Variants in USP34 observed in about 807,000 individuals in gnomAD.
USP34 encodes the protein ubiquitin specific peptidase 34.
A neutral mutation model predicts 460.3 loss-of-function variants in USP34; 70 were observed. The observed-to-expected ratio is 0.15, with a 90% confidence interval of 0.13 to 0.19. USP34 has a LOEUF of 0.19. USP34 is among the 10% of genes least tolerant of loss of function. The pLI, the probability that USP34 is intolerant of heterozygous loss-of-function variation, is 1.00. For missense variants in USP34, 3,985 were observed against 4,236.2 expected (o/e 0.94, Z 1.65); for synonymous variants, 1,647 against 1,405.3 (o/e 1.17, Z -3.85).
intron 49 of USP34, among the ~76,000 whole-genome samples, chr2:61,247,082 A>G (rs1282193599): frequency 6.6e-6 from 1 of 152,218 alleles, no homozygotes; most frequent in Non-Finnish European, 1.5e-5. Context: ...AGACAGAAAC[A>G]AAATAAAGAA....
chr2:61,188,856 G>T, intron 79 of USP34, 54 bp downstream of exon 79: 1 of 1,603,692 alleles, frequency 6.2e-7, no homozygotes, highest in Non-Finnish European at 8.5e-7. Context: ...TACACCAAGT[G>T]TATTACTCCC....
At chr2:61,406,504 G>A (rs1221752719) in intron 2 of USP34, among the ~76,000 whole-genome samples, 4 of 152,006 alleles carry the variant, frequency 2.6e-5, no homozygotes, top group Non-Finnish European at 5.9e-5. Flanking sequence ...AAAGCCAGCT[G>A]GTTATTTAAT....
intron 1 of USP34, among the ~76,000 whole-genome samples, chr2:61,429,418 G>A (rs1694601769): frequency 6.6e-6 from 1 of 152,154 alleles, no homozygotes; most frequent in South Asian, 2.1e-4. Context: ...CTGCACTCCA[G>A]CCTGGGCAAC....
chr2:61,236,290 T>C, intron 54 of USP34, 35 bp downstream of exon 54: 1 of 1,592,154 alleles, frequency 6.3e-7, no homozygotes, highest in Non-Finnish European at 8.5e-7. Context: ...TTTTAAAATG[T>C]GTAAAATATC....
chr2:61,293,563 G>A lies in USP34; in HGVS notation c.4462-13C>T, dbSNP rs775232418. The A allele has an allele frequency of 2.5e-6, 4 of 1,603,794 alleles. No homozygotes were observed. The highest frequency in any genetic ancestry group is 1.1e-5 in the South Asian group (1 of 90,072). On this transcript the variant is annotated splice_polypyrimidine_tract_variant and intron_variant, in intron 32 of 79. Transcript: ENST00000398571. ...CAGCAGCAACAAACTGTAGGCAATT[G>A]TGAAAGTAATAGTAAGAGAAAAGCA...
intron 1 of USP34, among the ~76,000 whole-genome samples, chr2:61,462,817 G>A (rs1458529475): frequency 1.4e-5 from 2 of 143,588 alleles, no homozygotes; most frequent in Non-Finnish European, 1.5e-5. Context: ...AGCCGAGACT[G>A]TACCAATGCA....
chr2:61,313,782 TGTTA>T (rs942467110), intron 25 of USP34, among the ~76,000 whole-genome samples: 6 of 152,128 alleles, frequency 3.9e-5, no homozygotes, highest in African/African-American at 1.4e-4. Flanking sequence ...CATGGAAGCA[TGTTA>T]TTTATAAGGA....
chr2:61,326,191 CT>C (rs894797412), intron 20 of USP34, among the ~76,000 whole-genome samples: 1 of 151,342 alleles, frequency 6.6e-6, no homozygotes, highest in African/African-American at 2.4e-5. Context: ...ATCAGGTTTG[CT>C]TTTTTAAAAA....
chr2:61,367,588 A>T (rs753415794), intron 10 of USP34, among the ~76,000 whole-genome samples: 7 of 152,220 alleles, frequency 4.6e-5, no homozygotes, highest in Non-Finnish European at 7.3e-5. Flanking sequence ...AATCATTAGT[A>T]ATGAAAAATA....
chr2:61,201,983 A>G (rs1686990103), intron 75 of USP34, among the ~76,000 whole-genome samples: 2 of 152,338 alleles, frequency 1.3e-5, no homozygotes, highest in South Asian at 2.1e-4. Flanking sequence ...GAAACGGCCA[A>G]TCTGAATATA....
chr2:61,247,604 CT>C (rs1688451838), intron 49 of USP34, among the ~76,000 whole-genome samples: 1 of 152,138 alleles, frequency 6.6e-6, no homozygotes, highest in Non-Finnish European at 1.5e-5. Flanking sequence ...TCATAGCTTA[CT>C]GCAGCCCTGG....
chr2:61,296,639 C>G (rs1487307122), intron 30 of USP34, among the ~76,000 whole-genome samples, 161 bp downstream of exon 30: 1 of 152,186 alleles, frequency 6.6e-6, no homozygotes, highest in Non-Finnish European at 1.5e-5. Flanking sequence ...ACTAAATAAA[C>G]AAATGAACAT....
rs746112977 is a variant in USP34, at chr2:61,380,229, T to C, written c.954A>G (p.Ala318=). The C allele has an allele frequency of 6.2e-6, 10 of 1,614,062 alleles. No homozygotes were observed. The highest frequency in any genetic ancestry group is 1.3e-5 in the African/African-American group (1 of 74,950). Residue 318 remains alanine (A), a synonymous_variant, in exon 7 of 80, where the codon GCA becomes GCG. Coordinates refer to ENST00000398571, the MANE Select transcript of USP34 (RefSeq NM_014709.4). ...AAGTAGGTGACATAAAGTACTTAAA[T>C]GCAAGATCTAGGCTTTCTTTATCAA... ...LCFDKESLDL[A]FKYFMSPTLT... is the part of the protein sequence containing the mutation.
At chr2:61,246,551 A>C (rs1329141825) in intron 49 of USP34, 74 bp from the exon 50 acceptor site, 6 of 988,058 alleles carry the variant, frequency 6.1e-6, no homozygotes, top group Non-Finnish European at 6.7e-6. Flanking sequence ...TTTTTAAAAT[A>C]AACTTTATCA....
chr2:61,294,988 T>C lies in USP34; in HGVS notation c.4422A>G (p.Glu1474=), dbSNP rs13014347. 1,590,185 of 1,612,998 alleles carry C rather than the reference T, an allele frequency of 0.99. 783,896 individuals are homozygous for C. Among genetic ancestry groups the C allele is most frequent in the East Asian group, 1 (44,761 of 44,764 alleles). ...AATTTTTACTATTTTCCACTTGATC[T>C]TCACTTGAATCATCTGAATCTGGAT... ...DLYPDSDDSS[E]DQVENSKNSW... Residue 1474 remains glutamate, a synonymous_variant, in exon 32 of 80, where the codon GAA becomes GAG. Coordinates refer to ENST00000398571, the MANE Select transcript of USP34 (RefSeq NM_014709.4).
intron 61 of USP34, among the ~76,000 whole-genome samples, chr2:61,228,092 T>C (rs1415666707): frequency 1.3e-5 from 2 of 152,226 alleles, no homozygotes; most frequent in African/African-American, 4.8e-5. Flanking sequence ...AACAAGTCAC[T>C]GTGATCTAAA....
rs762497896 is a variant in USP34, at chr2:61,203,122, C to G, written c.9508+18G>C. 1 of 1,540,130 alleles carries G rather than the reference C, an allele frequency of 6.5e-7. No homozygotes were observed. Among genetic ancestry groups the G allele is most frequent in the Non-Finnish European group, 8.8e-7 (1 of 1,140,426 alleles). On this transcript the variant is annotated intron_variant, in intron 75 of 79. Transcript: ENST00000398571. ...TAAAATAATTCAGTGGAATTTACTG[C>G]TCATCTTTTATACTTACTCAGCTTA...
At chr2:61,468,419 G>A (rs1487358220) in intron 1 of USP34, among the ~76,000 whole-genome samples, 3 of 152,210 alleles carry the variant, frequency 2.0e-5, no homozygotes, top group Admixed American at 6.5e-5. Context: ...CCAACCTCAG[G>A]TGATCCGCCA....
intron 20 of USP34, among the ~76,000 whole-genome samples, chr2:61,330,007 A>G (rs964128690): frequency 6.6e-6 from 1 of 152,204 alleles, no homozygotes; most frequent in African/African-American, 2.4e-5. Context: ...AGAGGTGGTT[A>G]TAAGGACAAA....
Sources: allele counts gnomAD v4.1 joint callset (sites outside exome capture counted in the v4.1 genomes callset), GRCh38; gene constraint gnomAD v4.1.1; transcripts MANE v1.5; gene names NCBI Gene and HGNC (gene_info 2026-07-23, HGNC 2026-07-21).